The following TNRC6B variants were observed in gnomAD, a reference collection of about 807,000 sequenced individuals.
TNRC6B encodes the protein trinucleotide repeat-containing gene 6B protein.
Under a neutral mutation model 203.6 loss-of-function variants are expected in TNRC6B, and 52 were observed. The ratio of observed to expected loss-of-function variants is 0.26; its 90% confidence interval spans 0.20 to 0.32. TNRC6B has a LOEUF of 0.32. Ranked by LOEUF, TNRC6B falls within the 10% of genes least tolerant of loss-of-function variation. The probability of loss-of-function intolerance (pLI) is 1.00; values close to 1 mark genes in which losing one functional copy is unlikely to be tolerated. For missense variants in TNRC6B, 1,923 were observed against 2,286.2 expected (o/e 0.84, Z 3.24); for synonymous variants, 838 against 845.7 (o/e 0.99, Z 0.16).
chr22:40,098,587 T>C (rs1298860793), intron 1 of TNRC6B, among the ~76,000 whole-genome samples: 4 of 152,168 alleles, frequency 2.6e-5, no homozygotes, highest in African/African-American at 9.7e-5. Flanking sequence ...ATTTAGATTT[T>C]TATGTAGTGA....
intron 1 of TNRC6B, among the ~76,000 whole-genome samples, chr22:40,228,578 G>A (rs1205149896): frequency 2.7e-5 from 4 of 149,564 alleles, no homozygotes; most frequent in Non-Finnish European, 4.4e-5. Context: ...GGAGTGCAGC[G>A]GCGTGATCTC....
intron 3 of TNRC6B, among the ~76,000 whole-genome samples, chr22:40,256,434 G>A (rs2070279251): frequency 1.3e-5 from 2 of 152,172 alleles, no homozygotes; most frequent in African/African-American, 2.4e-5. Context: ...CATTATGGCC[G>A]TGGACAAAGT....
chr22:40,115,844 C>T (rs2068382374), intron 1 of TNRC6B, among the ~76,000 whole-genome samples: 1 of 152,056 alleles, frequency 6.6e-6, no homozygotes, highest in Admixed American at 6.6e-5. Context: ...GGATTTTACC[C>T]TAAAGGTAGT....
At chr22:40,137,593 C>T (rs1347620658) in intron 3 of TNRC6B, among the ~76,000 whole-genome samples, 2 of 152,060 alleles carry the variant, frequency 1.3e-5, no homozygotes, top group Non-Finnish European at 2.9e-5. Context: ...CTGTGAGACC[C>T]TGGAGATGGA....
At chr22:40,175,471 C>A (rs983726614), upstream of TNRC6B, among the ~76,000 whole-genome samples, 1 of 152,138 alleles carries the variant, frequency 6.6e-6, no homozygotes, top group African/African-American at 2.4e-5. Context: ...TTAACACTTA[C>A]AAGGCAACAC....
chr22:40,317,958 G>A (rs1269123364), intron 21 of TNRC6B, among the ~76,000 whole-genome samples: 4 of 152,164 alleles, frequency 2.6e-5, no homozygotes, highest in African/African-American at 9.7e-5. Context: ...CCAGAGTGTT[G>A]TCATGAGATA....
chr22:40,107,182 A>T, intron 1 of TNRC6B: 1 of 532,724 alleles, frequency 1.9e-6, no homozygotes, highest in East Asian at 3.1e-5. Flanking sequence ...TATTTAAGAA[A>T]TCCTTCCCTA....
At chr22:40,152,618 G>A (rs983785559) in intron 3 of TNRC6B, among the ~76,000 whole-genome samples, 1 of 151,862 alleles carries the variant, frequency 6.6e-6, no homozygotes, top group Non-Finnish European at 1.5e-5. Context: ...GTGAGCCATC[G>A]CACCCGGCCA....
intron 1 of TNRC6B, among the ~76,000 whole-genome samples, chr22:40,047,237 G>T (rs1290776514): frequency 6.6e-6 from 1 of 152,076 alleles, no homozygotes; most frequent in Non-Finnish European, 1.5e-5. Context: ...AGGGAGAAAG[G>T]GCACTGAAAA....
intron 7 of TNRC6B, 104 bp from the exon 8 acceptor site, chr22:40,276,972 AC>A (rs1569050449): frequency 1.1e-5 from 8 of 711,846 alleles, no homozygotes; most frequent in Middle Eastern, 5.5e-4. Flanking sequence ...GAGAAATAGG[AC>A]TTAAAAAGGT....
intron 15 of TNRC6B, among the ~76,000 whole-genome samples, chr22:40,305,624 T>C (rs1229586310): frequency 1.3e-5 from 2 of 152,046 alleles, no homozygotes; most frequent in African/African-American, 4.8e-5. Flanking sequence ...CTTCGCCTGA[T>C]TTTTCCTCTC....
chr22:40,061,968 G>A (rs2067857374), intron 1 of TNRC6B, among the ~76,000 whole-genome samples: 1 of 152,096 alleles, frequency 6.6e-6, no homozygotes, highest in Non-Finnish European at 1.5e-5. Flanking sequence ...AAGCTACATG[G>A]GAGGCTGAGG....
chr22:40,266,256 A>G lies in TNRC6B; in HGVS notation c.2026A>G (p.Met676Val), dbSNP rs1339234348. ...AGATGCACCCAGCCAAAGCAATCAAATGAAGTCTGGATGGGGGGAGCTCTC... is the reference window on the plus strand; with the variant it reads ...AGATGCACCCAGCCAAAGCAATCAAGTGAAGTCTGGATGGGGGGAGCTCTC... ...WGDAPSQSNQ[M>V]KSGWGELSAS... The change falls in exon 5 of 23, where the codon ATG becomes GTG. Residue 676 changes from methionine to valine, a missense_variant. Coordinates refer to ENST00000454349, the MANE Select transcript of TNRC6B (RefSeq NM_001162501.2). 1.9e-6 allele frequency: 3 copies of G among 1,597,334 alleles called. No individual in the cohort carries two copies. Among genetic ancestry groups the G allele is most frequent in the East Asian group, 2.3e-5 (1 of 44,146 alleles).
intron 4 of TNRC6B, among the ~76,000 whole-genome samples, chr22:40,167,758 T>C (rs190890161): frequency 2.5e-4 from 37 of 145,534 alleles, no homozygotes; most frequent in Non-Finnish European, 4.5e-4. Context: ...ATGCCTGTAG[T>C]CCTAGCTACT....
chr22:40,251,266 G>C, intron 3 of TNRC6B, 66 bp downstream of exon 3: 2 of 1,298,610 alleles, frequency 1.5e-6, no homozygotes, highest in Non-Finnish European at 1.1e-6. Context: ...CACTGTTGCT[G>C]ACTCAGCCTC....
In TNRC6B at chr22:40,091,006, G is replaced by A. The variant is rs986833910; in HGVS notation, c.-120-26049G>A. 7.2e-5 allele frequency among the ~76,000 whole-genome samples: 11 copies of A among 152,110 alleles called. 1 individual carries two copies. The highest frequency in any genetic ancestry group is 4.1e-4 in the South Asian group (2 of 4,824). ...AAGTTTTTTTTATTTTTTTGAGACGGAGTCTCACTCTCTCGCCCAGGCTGG... is the reference window on the plus strand; with the variant it reads ...AAGTTTTTTTTATTTTTTTGAGACGAAGTCTCACTCTCTCGCCCAGGCTGG... On this transcript the variant is annotated intron_variant, in intron 1 of 23. Transcript: ENST00000301923.
intron 1 of TNRC6B, among the ~76,000 whole-genome samples, chr22:40,241,357 A>T (rs912233950): frequency 6.6e-6 from 1 of 151,796 alleles, no homozygotes; most frequent in African/African-American, 2.4e-5. Flanking sequence ...ACCACCACTT[A>T]CTCTTCAGCT....
intron 9 of TNRC6B, among the ~76,000 whole-genome samples, chr22:40,278,618 A>G (rs2070685090): frequency 6.6e-6 from 1 of 151,746 alleles, no homozygotes; most frequent in African/African-American, 2.4e-5. Context: ...GCGTCCACCT[A>G]GAAGAATCAG....
At chr22:40,202,103 A>T (rs1392468987) in intron 1 of TNRC6B, among the ~76,000 whole-genome samples, 1 of 152,120 alleles carries the variant, frequency 6.6e-6, no homozygotes, top group Non-Finnish European at 1.5e-5. Flanking sequence ...ACTTTGCCTG[A>T]TGAGCTTTGA....
Sources: gnomAD v4.1 joint callset for allele counts (sites outside exome capture counted in the v4.1 genomes callset) on GRCh38, gnomAD v4.1.1 for gene constraint, MANE v1.5 for transcripts, NCBI Gene and HGNC (gene_info 2026-07-23, HGNC 2026-07-21) for gene names.